Variants in PTPRR observed in about 807,000 individuals in gnomAD.
PTPRR encodes the protein protein tyrosine phosphatase receptor type R, also known as receptor-type tyrosine-protein phosphatase R.
A neutral mutation model predicts 77.2 loss-of-function variants in PTPRR; 38 were observed. The observed-to-expected ratio is 0.49, with a 90% confidence interval of 0.38 to 0.65. The LOEUF (loss-of-function observed/expected upper bound fraction) is 0.65, where lower values mean the gene tolerates loss of function less well. Ranked by LOEUF, PTPRR falls within the 30% of genes least tolerant of loss-of-function variation. The pLI is 0.00. For missense variants in PTPRR, 744 were observed against 799.2 expected, an observed-to-expected ratio of 0.93 and a Z score of 0.83; for synonymous variants, 299 against 283.1, an observed-to-expected ratio of 1.06 and a Z score of -0.57.
At chr12:70,772,874 T>A (rs546488881) in intron 2 of PTPRR, among the ~76,000 whole-genome samples, 1 of 150,624 alleles carries the variant, frequency 6.6e-6, no homozygotes, top group Admixed American at 6.6e-5. Flanking sequence ...CTTACTTTAT[T>A]TTTTTTTAAG....
chr12:70,770,868 A>G (rs1333136206), intron 2 of PTPRR, among the ~76,000 whole-genome samples: 3 of 151,894 alleles, frequency 2.0e-5, no homozygotes, highest in East Asian at 3.9e-4. Context: ...CATGGATGAA[A>G]TTGGAAATCA....
At chr12:70,673,001 G>A in intron 10 of PTPRR, 1 of 1,298,132 alleles carries the variant, frequency 7.7e-7, no homozygotes, top group Non-Finnish European at 1.0e-6. Context: ...GAAGGATAGA[G>A]CTCTCTTCAA....
At chr12:70,849,243 C>CA (rs201573541) in intron 2 of PTPRR, among the ~76,000 whole-genome samples, 3,627 of 144,880 alleles carry the variant, frequency 0.025, 148 homozygotes, top group African/African-American at 0.085. Context: ...AATTTCTTAG[C>CA]AAAAAAAAAA....
chr12:70,789,276 T>C (rs1162867723), intron 2 of PTPRR, among the ~76,000 whole-genome samples: 1 of 151,886 alleles, frequency 6.6e-6, no homozygotes, highest in East Asian at 1.9e-4. Context: ...TAAAATAAAA[T>C]AAAAATATTA....
At chr12:70,675,179 C>T (rs547821223) in intron 10 of PTPRR, among the ~76,000 whole-genome samples, 41 of 151,984 alleles carry the variant, frequency 2.7e-4, no homozygotes, top group African/African-American at 9.6e-4. Flanking sequence ...TTTTTTCCAT[C>T]CTTTCCATTT....
chr12:70,725,321 T>C (rs1303305757), intron 6 of PTPRR, among the ~76,000 whole-genome samples: 1 of 152,210 alleles, frequency 6.6e-6, no homozygotes, highest in Non-Finnish European at 1.5e-5. Context: ...AGCCAAACTA[T>C]TCTCAGGAGA....
chr12:70,678,213 G>C (rs1019573175), intron 10 of PTPRR, among the ~76,000 whole-genome samples: 2 of 152,112 alleles, frequency 1.3e-5, no homozygotes, highest in Admixed American at 6.6e-5. Flanking sequence ...GCTAATTTTT[G>C]TATTTTTAGT....
At chr12:70,780,255 G>T (rs938888747) in intron 2 of PTPRR, among the ~76,000 whole-genome samples, 2 of 152,118 alleles carry the variant, frequency 1.3e-5, no homozygotes, top group Admixed American at 1.3e-4. Context: ...CTCCCAAAGC[G>T]CTGGGATTAC....
At chr12:70,884,110 G>A (rs1382775312) in intron 2 of PTPRR, among the ~76,000 whole-genome samples, 2 of 152,180 alleles carry the variant, frequency 1.3e-5, no homozygotes, top group African/African-American at 2.4e-5. Flanking sequence ...TGCCCAGGGA[G>A]AGAACCTTCT....
At chr12:70,893,507 C>A (rs1444290650) in intron 1 of PTPRR, among the ~76,000 whole-genome samples, 1 of 151,828 alleles carries the variant, frequency 6.6e-6, no homozygotes, top group Non-Finnish European at 1.5e-5. Flanking sequence ...TTCAGTAGTC[C>A]AAACAATATC....
chr12:70,660,285 G>A (rs1886750494), intron 12 of PTPRR, among the ~76,000 whole-genome samples: 2 of 152,054 alleles, frequency 1.3e-5, no homozygotes, highest in South Asian at 4.2e-4. Flanking sequence ...TTAGGGGAAG[G>A]AGGTATCAGT....
At chr12:70,827,548 C>CT (rs35574548) in intron 2 of PTPRR, among the ~76,000 whole-genome samples, 28 of 105,442 alleles carry the variant, frequency 2.7e-4, no homozygotes, top group Admixed American at 3.1e-4. Flanking sequence ...TTCTTTCTTT[C>CT]TTTTTTTTTT....
chr12:70,674,437 G>A (rs564262811), intron 10 of PTPRR, among the ~76,000 whole-genome samples: 31 of 152,100 alleles, frequency 2.0e-4, no homozygotes, highest in Non-Finnish European at 4.3e-4. Flanking sequence ...TTGATGTGTA[G>A]TATTTGCATC....
chr12:70,740,237 T>C lies in PTPRR; in HGVS notation c.1007+5581A>G, dbSNP rs765864170. On this transcript the variant is annotated intron_variant, in intron 6 of 13. Transcript: ENST00000283228. ...ATGACACAACAATTTAATCATGAAG[T>C]AATGAGAGCTGGGTCCAAGGTGATG... 6.6e-5 allele frequency among the ~76,000 whole-genome samples: 10 copies of C among 152,194 alleles called. 2 individuals carry two copies. In the South Asian group the frequency reaches 2.1e-3, roughly 32 times the overall value.
intron 2 of PTPRR, among the ~76,000 whole-genome samples, chr12:70,862,114 G>A (rs1010284782): frequency 1.3e-5 from 2 of 152,082 alleles, no homozygotes; most frequent in Admixed American, 1.3e-4. Context: ...ATAGTTCCCA[G>A]GAAAAAGTGA....
rs1380566583 is a variant in PTPRR, at chr12:70,660,033, C to G, written c.1766+907G>C. On this transcript the variant is annotated intron_variant, in intron 12 of 13. Coordinates refer to ENST00000283228, the MANE Select transcript of PTPRR (RefSeq NM_002849.4). Reference sequence around the variant, plus strand: ...CTCTACTAAAAATATAAAAATTAGCCAGGCGTGGTGGTGCATGCCTGTAAT... The same window carrying G: ...CTCTACTAAAAATATAAAAATTAGCGAGGCGTGGTGGTGCATGCCTGTAAT... 4.0e-5 allele frequency among the ~76,000 whole-genome samples: 6 copies of G among 151,760 alleles called. No homozygotes were observed. In the East Asian group the frequency reaches 1.2e-3, roughly 29 times the overall value.
In PTPRR at chr12:70,850,372, T is replaced by A. The variant is rs548107327; in HGVS notation, c.357+42307A>T. 7.6e-4 allele frequency among the ~76,000 whole-genome samples: 114 copies of A among 150,180 alleles called. No individual in the cohort carries two copies. The East Asian group carries it at 0.02, about 27-fold the overall frequency. ...AGATTCCATCTCAGAAAAAAAAAAA[T>A]AAAAGGTAATTTTGTATCTATTTCC... is the stretch of plus-strand genomic sequence containing the variant. On this transcript the variant is annotated intron_variant, in intron 2 of 13. Transcript: ENST00000283228.
At chr12:70,751,275 C>T (rs573295626) in intron 5 of PTPRR, among the ~76,000 whole-genome samples, 5 of 152,154 alleles carry the variant, frequency 3.3e-5, no homozygotes, top group Non-Finnish European at 5.9e-5. Flanking sequence ...CAAGTTTTGT[C>T]GGTTCTACTT....
chr12:70,839,319 GT>G (rs1892355778), intron 2 of PTPRR, among the ~76,000 whole-genome samples: 1 of 83,960 alleles, frequency 1.2e-5, no homozygotes, highest in African/African-American at 3.6e-5. Context: ...TTCTGGATAT[GT>G]GTGTGTGTGT....
Sources: allele counts gnomAD v4.1 joint callset (sites outside exome capture counted in the v4.1 genomes callset), GRCh38; gene constraint gnomAD v4.1.1; transcripts MANE v1.5; gene names NCBI Gene and HGNC (gene_info 2026-07-23, HGNC 2026-07-21).